The following RERE variants were observed in gnomAD, a reference collection of about 807,000 sequenced individuals.
RERE encodes the protein arginine-glutamic acid dipeptide repeats.
In RERE, 40 loss-of-function variants were observed where a neutral mutation model predicts 146.1. The observed-to-expected ratio is 0.27, with a 90% confidence interval of 0.21 to 0.36. RERE has a LOEUF of 0.36. RERE is among the 10% of genes least tolerant of loss of function. The pLI, the probability that RERE is intolerant of heterozygous loss-of-function variation, is 1.00. For synonymous variants in RERE, 1,003 were observed against 866.0 expected (o/e 1.16, Z -2.78); for missense variants, 1,933 against 2,138.7 (o/e 0.90, Z 1.90).
At chr1:8,609,553 T>C (rs1646765388) in intron 4 of RERE, among the ~76,000 whole-genome samples, 1 of 152,196 alleles carries the variant, frequency 6.6e-6, no homozygotes, top group Admixed American at 6.5e-5. Flanking sequence ...ATGGTTATTT[T>C]TGGCATACTT....
intron 12 of RERE, among the ~76,000 whole-genome samples, chr1:8,392,168 A>G (rs970861972): frequency 7.2e-5 from 11 of 152,278 alleles, no homozygotes; most frequent in Admixed American, 2.0e-4. Flanking sequence ...AAAGAAATCT[A>G]ATAACAACTT....
intron 1 of RERE, among the ~76,000 whole-genome samples, chr1:8,754,733 C>A (rs1351232946): frequency 6.6e-6 from 1 of 152,212 alleles, no homozygotes; most frequent in Non-Finnish European, 1.5e-5. Context: ...TTTTCAGTGA[C>A]TGTTAACATC....
intron 4 of RERE, among the ~76,000 whole-genome samples, chr1:8,600,781 A>G (rs2385706): frequency 0.85 from 121,007 of 142,466 alleles, 51,633 homozygotes; most frequent in East Asian, 0.95. Flanking sequence ...TTGAGACAGA[A>G]TCTTGCTGTG....
chr1:8,385,993 A>AAAAT (rs1553159741), intron 12 of RERE, among the ~76,000 whole-genome samples: 15 of 26,482 alleles, frequency 5.7e-4, no homozygotes, highest in South Asian at 2.7e-3. Flanking sequence ...AAAAAAAAAA[A>AAAAT]ATATATATAT....
At chr1:8,378,810 G>A (rs1312362233) in intron 12 of RERE, among the ~76,000 whole-genome samples, 1 of 152,202 alleles carries the variant, frequency 6.6e-6, no homozygotes, top group Non-Finnish European at 1.5e-5. Context: ...CTCGAGGAAA[G>A]GAGAGGAACC....
chr1:8,385,322 G>A (rs1356381390), intron 12 of RERE, among the ~76,000 whole-genome samples: 1 of 152,166 alleles, frequency 6.6e-6, no homozygotes, highest in Non-Finnish European at 1.5e-5. Flanking sequence ...TTCCTCAAGA[G>A]TTTCAGACTG....
intron 1 of RERE, among the ~76,000 whole-genome samples, chr1:8,774,915 A>G (rs186356955): frequency 6.8e-6 from 1 of 146,130 alleles, no homozygotes; most frequent in Admixed American, 6.8e-5. Context: ...GAAAAGCCCC[A>G]TATCAGCCTT....
chr1:8,466,367 AT>A (rs1242812351), intron 10 of RERE, among the ~76,000 whole-genome samples: 1 of 152,096 alleles, frequency 6.6e-6, no homozygotes, highest in Non-Finnish European at 1.5e-5. Context: ...ACTTAATCCT[AT>A]GGGGAAAGTA....
At position 8,423,770 on chromosome 1, in the gene RERE, C is replaced by CG. The variant is rs1437333106; in HGVS notation, c.1204-964dup. On this transcript the variant is annotated intron_variant, in intron 11 of 22. Transcript: ENST00000400908. The surrounding 1 kb of genome is among the most constrained non-coding windows in gnomAD (Gnocchi z 5.4). ...GGCGCGGGGCTGGGGCCGCCGCTGA[C>CG]GGGGGAGGAGGCAGGAGCGCGGCGC... 4 of 834,822 alleles carry CG rather than the reference C, an allele frequency of 4.8e-6. No homozygotes were observed. In the African/African-American group the frequency reaches 5.6e-5, roughly 12 times the overall value. The allele number at this position is 834,822 out of a possible 1,614,324, so 51.7% of individuals were successfully genotyped here. A position where few individuals can be genotyped will look rare whatever the true frequency, so the allele number is the denominator to read the frequency against.
chr1:8,726,142 CTTT>C (rs1348386294), intron 1 of RERE, among the ~76,000 whole-genome samples: 2 of 107,138 alleles, frequency 1.9e-5, no homozygotes, highest in South Asian at 2.7e-4. Flanking sequence ...TTCCTTTTTT[CTTT>C]TCTTTTTTTT....
chr1:8,756,823 G>A, intron 1 of RERE, among the ~76,000 whole-genome samples: 1 of 152,110 alleles, frequency 6.6e-6, no homozygotes, highest in East Asian at 1.9e-4. Flanking sequence ...CAGACATGGT[G>A]GCTCACACCT....
At chr1:8,565,069 C>T (rs186351129) in intron 4 of RERE, among the ~76,000 whole-genome samples, 33 of 151,992 alleles carry the variant, frequency 2.2e-4, no homozygotes, top group African/African-American at 8.0e-4. Context: ...AGAGGCTGGG[C>T]AGTGGGGGGA....
At chr1:8,696,649 C>T (rs1049312252) in intron 1 of RERE, among the ~76,000 whole-genome samples, 1 of 151,672 alleles carries the variant, frequency 6.6e-6, no homozygotes, top group Non-Finnish European at 1.5e-5. Context: ...GTGGTTCACG[C>T]CTGTAATCCC....
chr1:8,610,574 G>A (rs1378507682), intron 4 of RERE, among the ~76,000 whole-genome samples: 12 of 151,978 alleles, frequency 7.9e-5, no homozygotes, highest in Non-Finnish European at 1.2e-4. Flanking sequence ...TGCTCTGGGC[G>A]ACAGAGCAAG....
At chr1:8,541,636 A>G (rs979759417) in intron 6 of RERE, among the ~76,000 whole-genome samples, 1 of 152,220 alleles carries the variant, frequency 6.6e-6, no homozygotes, top group African/African-American at 2.4e-5. Flanking sequence ...CATTGTGAAT[A>G]TAAGAAAAAC....
intron 10 of RERE, among the ~76,000 whole-genome samples, chr1:8,469,941 T>A (rs868119673): frequency 2.0e-5 from 3 of 152,186 alleles, no homozygotes; most frequent in African/African-American, 7.2e-5. Context: ...GAGGCACTCC[T>A]CTGAACAAGT....
intron 1 of RERE, 53 bp downstream of exon 1, chr1:8,817,107 G>C (rs939147382): frequency 3.3e-5 from 5 of 152,238 alleles, no homozygotes; most frequent in Admixed American, 3.3e-4. Context: ...CCACCAGGAC[G>C]AGGGGCCAAA....
chr1:8,640,919 A>G (rs936691709), intron 2 of RERE, among the ~76,000 whole-genome samples: 16 of 152,230 alleles, frequency 1.1e-4, no homozygotes, highest in Non-Finnish European at 1.8e-4. Context: ...CATAGCTCCA[A>G]AGTAAAATTC....
chr1:8,747,923 T>C (rs1249780161), intron 1 of RERE, among the ~76,000 whole-genome samples: 2 of 151,910 alleles, frequency 1.3e-5, no homozygotes, highest in Non-Finnish European at 2.9e-5. Flanking sequence ...TACAGGTGCA[T>C]GCCACCACAC....
Sources: gnomAD v4.1 joint callset for allele counts (sites outside exome capture counted in the v4.1 genomes callset) on GRCh38, gnomAD v4.1.1 for gene constraint, Gnocchi (gnomAD v3.1) non-coding constraint, MANE v1.5 for transcripts, NCBI Gene and HGNC (gene_info 2026-07-23, HGNC 2026-07-21) for gene names.